Variants in MANBAL observed in about 807,000 individuals in gnomAD.
The protein encoded by MANBAL is protein MANBAL.
Under a neutral mutation model 6.4 loss-of-function variants are expected in MANBAL, and 1 was observed. The ratio of observed to expected loss-of-function variants is 0.16; its 90% CI spans 0.06 to 0.74. The LOEUF (loss-of-function observed/expected upper bound fraction) is 0.74. Ranked by LOEUF, MANBAL falls within the 30% of genes least tolerant of loss-of-function variation. The pLI, the probability that MANBAL is intolerant of heterozygous loss-of-function variation, is 0.78. For synonymous variants in MANBAL, 47 were observed against 45.8 expected (o/e 1.03, Z -0.10); for missense variants, 100 against 107.8 (o/e 0.93, Z 0.32).
At chr20:37,306,966 T>C (rs2069273246) in intron 2 of MANBAL, among the ~76,000 whole-genome samples, 3 of 152,240 alleles carry the variant, frequency 2.0e-5, no homozygotes, top group Middle Eastern at 6.8e-3. Context: ...AGTATTTTCT[T>C]TTTATTTATG....
intron 2 of MANBAL, among the ~76,000 whole-genome samples, chr20:37,306,005 C>T (rs549355426): frequency 1.3e-5 from 2 of 151,748 alleles, no homozygotes; most frequent in South Asian, 4.2e-4. Flanking sequence ...AACATGGGGA[C>T]GGGGTACTCT....
At chr20:37,299,683 A>G (rs529665141) in intron 1 of MANBAL, among the ~76,000 whole-genome samples, 16 of 152,302 alleles carry the variant, frequency 1.1e-4, no homozygotes, top group African/African-American at 3.6e-4. Context: ...GTGCTGTGGT[A>G]AAGGGGGAGC....
chr20:37,307,564 C>G (rs2069285682), intron 2 of MANBAL, among the ~76,000 whole-genome samples: 1 of 152,036 alleles, frequency 6.6e-6, no homozygotes, highest in African/African-American at 2.4e-5. Context: ...CAAGACCAGC[C>G]TGGCCAACAT....
At chr20:37,296,409 A>G (rs778018856) in intron 1 of MANBAL, among the ~76,000 whole-genome samples, 5 of 152,250 alleles carry the variant, frequency 3.3e-5, no homozygotes, top group Non-Finnish European at 5.9e-5. Context: ...TCTTTAGCCC[A>G]TGAAATCAGC....
chr20:37,306,476 T>C (rs1297073176), intron 2 of MANBAL, among the ~76,000 whole-genome samples: 2 of 152,166 alleles, frequency 1.3e-5, no homozygotes, highest in Non-Finnish European at 2.9e-5. Context: ...AAGAGTCAAT[T>C]TGTAAAATCA....
chr20:37,299,983 C>T (rs983069853), intron 1 of MANBAL, among the ~76,000 whole-genome samples: 1 of 152,164 alleles, frequency 6.6e-6, no homozygotes, highest in East Asian at 1.9e-4. Context: ...CACCACTGGC[C>T]ACCACTGCCC....
rs147085544 is a variant in MANBAL at position 37,306,592 on chromosome 20, C to T, written c.150+5179C>T. ...AACATTTGTTTGAGCCTGATGGAGG[C>T]GTGGGCCACACTTAATCCAAGCATT... On this transcript the variant is annotated intron_variant, in intron 2 of 2. Coordinates refer to ENST00000373606, the MANE Select transcript of MANBAL (RefSeq NM_001003897.2). 2.4e-3 allele frequency among the ~76,000 whole-genome samples: 371 copies of T among 152,312 alleles called. 1 individual carries two copies. Among genetic ancestry groups the T allele is most frequent in the Non-Finnish European group, 2.5e-3 (171 of 68,020 alleles).
At chr20:37,293,837 T>C (rs2068929292) in intron 1 of MANBAL, among the ~76,000 whole-genome samples, 1 of 152,258 alleles carries the variant, frequency 6.6e-6, no homozygotes. Flanking sequence ...TTTTCAAAGT[T>C]ACTTAGGTCA....
At chr20:37,291,079 C>T (rs918544790) in intron 1 of MANBAL, among the ~76,000 whole-genome samples, 5 of 151,702 alleles carry the variant, frequency 3.3e-5, no homozygotes, top group Non-Finnish European at 5.9e-5. Context: ...GTTTTTCAGT[C>T]TTAAGAGAAG....
chr20:37,297,712 G>A (rs1300832990), intron 1 of MANBAL, among the ~76,000 whole-genome samples: 6 of 151,020 alleles, frequency 4.0e-5, no homozygotes, highest in African/African-American at 1.5e-4. Flanking sequence ...GCGTGATCTC[G>A]GCCCACTGCA....
Position 37,316,610 on chromosome 20 carries a change from G to T in MANBAL, c.*195G>T. 2.0e-6 allele frequency: 1 copy of T among 492,114 alleles called. No individual in the cohort carries two copies. The allele number at this position is 492,114 out of a possible 1,614,324, so 30.5% of individuals were successfully genotyped here. On this transcript the variant is annotated 3_prime_UTR_variant, in exon 3 of 3. Transcript: ENST00000373606. The stretch of plus-strand genomic sequence containing the variant: ...CAATCCACCACTTCCTCTTCCTTCT[G>T]CTTCTGTGACGGTTTAGAGTCAAGG...
At chr20:37,313,749 C>G (rs2069441950) in intron 2 of MANBAL, among the ~76,000 whole-genome samples, 1 of 152,012 alleles carries the variant, frequency 6.6e-6, no homozygotes, top group Non-Finnish European at 1.5e-5. Flanking sequence ...GCCTAGGGGC[C>G]CGAGGAGGGA....
chr20:37,303,186 T>C (rs1011834725), intron 2 of MANBAL, among the ~76,000 whole-genome samples: 1 of 152,198 alleles, frequency 6.6e-6, no homozygotes, highest in Non-Finnish European at 1.5e-5. Context: ...GCTGGAATTA[T>C]AGGCATGAGC....
chr20:37,295,078 A>G (rs940052483), intron 1 of MANBAL, among the ~76,000 whole-genome samples: 1 of 152,236 alleles, frequency 6.6e-6, no homozygotes, highest in African/African-American at 2.4e-5. Flanking sequence ...AGAGACCAGG[A>G]TAGCAGCTCT....
At chr20:37,291,803 C>G (rs1052157953) in intron 1 of MANBAL, among the ~76,000 whole-genome samples, 5 of 152,252 alleles carry the variant, frequency 3.3e-5, no homozygotes, top group Non-Finnish European at 7.3e-5. Context: ...CACACACTCT[C>G]TTGCCTGCTG....
intron 1 of MANBAL, among the ~76,000 whole-genome samples, chr20:37,293,437 G>A (rs552227622): frequency 2.0e-5 from 3 of 152,280 alleles, no homozygotes; most frequent in East Asian, 1.9e-4. Flanking sequence ...TAATGCAGCC[G>A]CTGATCTGAT....
At chr20:37,298,574 A>G (rs1464139520) in intron 1 of MANBAL, among the ~76,000 whole-genome samples, 2 of 152,192 alleles carry the variant, frequency 1.3e-5, no homozygotes, top group African/African-American at 2.4e-5. Flanking sequence ...TGTAGCATGT[A>G]TCAGAATTTC....
intron 2 of MANBAL, 147 bp from the exon 3 acceptor site, chr20:37,316,161 C>T (rs966082903): frequency 8.4e-6 from 6 of 715,074 alleles, no homozygotes; most frequent in Non-Finnish European, 1.4e-5. Flanking sequence ...GGCAGTCCCA[C>T]ATCCGTGTGG....
intron 2 of MANBAL, among the ~76,000 whole-genome samples, chr20:37,308,633 C>T (rs1280252796): frequency 6.6e-6 from 1 of 152,072 alleles, no homozygotes; most frequent in Non-Finnish European, 1.5e-5. Context: ...GGAGATGGTC[C>T]ATAGCCTCTC....
Sources: allele counts gnomAD v4.1 joint callset (sites outside exome capture counted in the v4.1 genomes callset), GRCh38; gene constraint gnomAD v4.1.1; transcripts MANE v1.5; gene names NCBI Gene and HGNC (gene_info 2026-07-23, HGNC 2026-07-21).